The following SLC39A11 variants were observed in gnomAD, a reference collection of about 807,000 sequenced individuals.
The protein encoded by SLC39A11 is solute carrier family 39 member 11, also known as zinc transporter ZIP11.
A neutral mutation model predicts 36.1 loss-of-function variants in SLC39A11; 33 were observed. The observed-to-expected ratio is 0.91, with a 90% CI of 0.69 to 1.22. SLC39A11 has a LOEUF of 1.22. Among genes scored for constraint, SLC39A11 ranks in the 50% most tolerant of loss-of-function variants. The pLI is 0.00. For missense variants in SLC39A11, 432 were observed against 430.3 expected (o/e 1.00, Z -0.03); for synonymous variants, 166 against 170.3 (o/e 0.97, Z 0.20).
intron 5 of SLC39A11, among the ~76,000 whole-genome samples, chr17:72,919,172 T>C (rs1166047175): frequency 6.6e-6 from 1 of 152,222 alleles, no homozygotes; most frequent in Non-Finnish European, 1.5e-5. Flanking sequence ...AGCATGGTTA[T>C]ACATTTGTTA....
chr17:73,035,949 T>C (rs1476417664), intron 3 of SLC39A11, among the ~76,000 whole-genome samples: 1 of 148,976 alleles, frequency 6.7e-6, no homozygotes, highest in East Asian at 2.0e-4. Flanking sequence ...CAGAAAGAGA[T>C]TGAAAGATGC....
At chr17:73,077,151 T>C (rs1213543213) in intron 3 of SLC39A11, among the ~76,000 whole-genome samples, 1 of 152,180 alleles carries the variant, frequency 6.6e-6, no homozygotes, top group African/African-American at 2.4e-5. Flanking sequence ...TGGGCCATAC[T>C]GCCTTTCCCT....
chr17:72,810,894 T>C (rs6501566), intron 6 of SLC39A11, among the ~76,000 whole-genome samples: 95,158 of 151,796 alleles, frequency 0.63, 30,232 homozygotes, highest in Middle Eastern at 0.71. Flanking sequence ...CCATGTTGGC[T>C]GGGCTGGTCT....
chr17:72,876,664 A>T (rs1276685615), intron 5 of SLC39A11, among the ~76,000 whole-genome samples: 1 of 152,186 alleles, frequency 6.6e-6, no homozygotes, highest in East Asian at 1.9e-4. Flanking sequence ...CTAACTGATC[A>T]TGTGCTTCCT....
At chr17:73,018,167 T>C (rs1203835641) in intron 4 of SLC39A11, among the ~76,000 whole-genome samples, 1 of 152,168 alleles carries the variant, frequency 6.6e-6, no homozygotes, top group African/African-American at 2.4e-5. Flanking sequence ...TATCTGCCTG[T>C]CAGAATAAAA....
At chr17:72,894,052 C>T (rs1284115351) in intron 5 of SLC39A11, among the ~76,000 whole-genome samples, 1 of 151,972 alleles carries the variant, frequency 6.6e-6, no homozygotes, top group Non-Finnish European at 1.5e-5. Context: ...ATAACCAATG[C>T]TCATGATAAA....
chr17:73,064,696 C>T (rs2172545), intron 3 of SLC39A11, among the ~76,000 whole-genome samples: 9,317 of 152,142 alleles, frequency 0.061, 423 homozygotes, highest in East Asian at 0.22. Flanking sequence ...AGGTCATATT[C>T]CTTAGGGTGG....
chr17:72,730,436 C>T (rs148459449), intron 7 of SLC39A11, among the ~76,000 whole-genome samples: 1 of 152,312 alleles, frequency 6.6e-6, no homozygotes, highest in Admixed American at 6.5e-5. Flanking sequence ...TTCCTTTCAA[C>T]TTTACCATGT....
At chr17:72,807,469 G>A (rs1304956139) in intron 6 of SLC39A11, among the ~76,000 whole-genome samples, 6 of 152,132 alleles carry the variant, frequency 3.9e-5, no homozygotes, top group African/African-American at 1.2e-4. Context: ...ACTTGAGGTA[G>A]GCCCCTAGAT....
At chr17:72,976,954 T>C (rs528687430) in intron 4 of SLC39A11, among the ~76,000 whole-genome samples, 9 of 152,300 alleles carry the variant, frequency 5.9e-5, no homozygotes, top group Admixed American at 1.3e-4. Flanking sequence ...ATTTCTAACA[T>C]GGTGCCCCCA....
chr17:72,842,366 C>A (rs552550145), intron 6 of SLC39A11, among the ~76,000 whole-genome samples: 1 of 152,120 alleles, frequency 6.6e-6, no homozygotes, highest in African/African-American at 2.4e-5. Context: ...GGAGCCATAA[C>A]AATAATTTAC....
chr17:73,090,298 C>T (rs193264535), intron 1 of SLC39A11, among the ~76,000 whole-genome samples: 1 of 152,294 alleles, frequency 6.6e-6, no homozygotes, highest in Admixed American at 6.5e-5. Flanking sequence ...AGCCCCTGTG[C>T]CAGAAACTCT....
intron 3 of SLC39A11, among the ~76,000 whole-genome samples, chr17:73,040,110 C>T (rs1372571411): frequency 6.6e-6 from 1 of 152,222 alleles, no homozygotes; most frequent in Non-Finnish European, 1.5e-5. Context: ...ATAGAAACTA[C>T]TCCAAGAAAA....
chr17:73,051,386 G>C (rs906486727), intron 3 of SLC39A11, among the ~76,000 whole-genome samples: 1 of 152,112 alleles, frequency 6.6e-6, no homozygotes. Flanking sequence ...CACAGGTTCT[G>C]TGCAGACAGG....
At chr17:72,853,163 C>T (rs975128559) in intron 5 of SLC39A11, among the ~76,000 whole-genome samples, 9 of 151,578 alleles carry the variant, frequency 5.9e-5, no homozygotes, top group African/African-American at 1.7e-4. Flanking sequence ...TATAGGTGCA[C>T]GCCACCATGG....
chr17:73,004,157 AG>A (rs1380055773), intron 4 of SLC39A11, among the ~76,000 whole-genome samples: 1 of 139,286 alleles, frequency 7.2e-6, no homozygotes, highest in Non-Finnish European at 1.5e-5. Flanking sequence ...GAAAGAAAGA[AG>A]GAAAAAAAGA....
intron 7 of SLC39A11, among the ~76,000 whole-genome samples, chr17:72,650,997 GT>G (rs148289074): frequency 0.011 from 1,637 of 151,956 alleles, 37 homozygotes; most frequent in African/African-American, 0.038. Flanking sequence ...CCTTTACCCT[GT>G]TTTTTTTACC....
intron 4 of SLC39A11, among the ~76,000 whole-genome samples, chr17:72,963,315 C>T (rs939819693): frequency 1.3e-4 from 20 of 151,732 alleles, no homozygotes; most frequent in African/African-American, 2.7e-4. Flanking sequence ...GGACTACAGG[C>T]GCCCGCCACC....
At position 73,084,437 on chromosome 17, in the gene SLC39A11, CAAAAAAAA is replaced by C. The variant is rs67639617; in HGVS notation, c.147+363_147+370del. On this transcript the variant is annotated intron_variant, in intron 3 of 9. Transcript: ENST00000255559. ...TGGGTGACAGGGTAAGGCTCTGTCT[CAAAAAAAA>C]AAAAAAAAAAAAAAAAAAGGCCTAT... 9.2e-3 allele frequency among the ~76,000 whole-genome samples: 568 copies of C among 61,648 alleles called. 2 individuals carry two copies. The highest frequency in any genetic ancestry group is 0.036 in the African/African-American group (544 of 15,094). The allele number at this position is 61,648 out of a possible 152,430, so 40.4% of individuals were successfully genotyped here. A position where few individuals can be genotyped will look rare whatever the true frequency, so the allele number is the denominator to read the frequency against.
Sources: gnomAD v4.1 joint callset for allele counts (sites outside exome capture counted in the v4.1 genomes callset) on GRCh38, gnomAD v4.1.1 for gene constraint, MANE v1.5 for transcripts, NCBI Gene and HGNC (gene_info 2026-07-23, HGNC 2026-07-21) for gene names.